Variants in NPHP4 observed in about 807,000 individuals in gnomAD.
NPHP4 encodes the protein nephrocystin-4.
In NPHP4, 151 loss-of-function variants were observed where a neutral mutation model predicts 155.8. That is an observed-to-expected ratio of 0.97 (90% CI 0.85 to 1.11). NPHP4 has a LOEUF of 1.11. Ranked by LOEUF, NPHP4 falls within the 50% of genes least tolerant of loss-of-function variation. The probability of loss-of-function intolerance (pLI) is 0.00; values close to 1 mark genes in which losing one functional copy is unlikely to be tolerated. For missense variants in NPHP4, 1,956 were observed against 1,925.7 expected, an observed-to-expected ratio of 1.02 and a Z score of -0.29; for synonymous variants, 845 against 816.8, an observed-to-expected ratio of 1.03 and a Z score of -0.59.
In NPHP4 at chr1:5,911,525, G is replaced by C. The variant is rs140838389; in HGVS notation, c.1442-2312C>G. 3.8e-3 allele frequency among the ~76,000 whole-genome samples: 575 copies of C among 152,284 alleles called. 1 individual carries two copies. The highest frequency in any genetic ancestry group is 0.012 in the African/African-American group (511 of 41,550). On this transcript the variant is annotated intron_variant, in intron 11 of 29. Transcript: ENST00000378156. ...CCTTCCAAGCACATCTGAACTTCTC[G>C]CATGCATTTTATTTCCCCATCGTCT...
intron 9 of NPHP4, among the ~76,000 whole-genome samples, chr1:5,942,924 C>T (rs140109855): frequency 6.6e-6 from 1 of 152,338 alleles, no homozygotes; most frequent in Non-Finnish European, 1.5e-5. Flanking sequence ...GCAGCCAAGA[C>T]ACCGGATCTG....
chr1:5,974,361 C>A (rs747187568), intron 3 of NPHP4, among the ~76,000 whole-genome samples: 10 of 152,088 alleles, frequency 6.6e-5, no homozygotes, highest in Non-Finnish European at 1.3e-4. Context: ...CAGTAACTCC[C>A]CCCAAATAAA....
At chr1:5,974,654 T>C (rs1045761675) in intron 3 of NPHP4, among the ~76,000 whole-genome samples, 32 of 147,828 alleles carry the variant, frequency 2.2e-4, no homozygotes, top group African/African-American at 7.8e-4. Flanking sequence ...CTCCTGCATA[T>C]GGGCCCAGTG....
rs183372156 is a variant in NPHP4, at chr1:5,955,058, T to G, written c.674-2222A>C. Among the ~76,000 whole-genome samples the G allele has an allele frequency of 1.3e-3, 193 of 151,980 alleles. 1 individual carries two copies. Among genetic ancestry groups the G allele is most frequent in the Non-Finnish European group, 4.3e-4 (29 of 67,978 alleles). The stretch of plus-strand genomic sequence containing the variant: ...AAAAAAAAAACTAGTAGCTTGATTT[T>G]AAAATGGGCAAAAGGCCTTAACAGA... On this transcript the variant is annotated intron_variant, in intron 6 of 29. Transcript: ENST00000378156.
At chr1:5,875,216 C>G in intron 20 of NPHP4, 116 bp from the exon 21 acceptor site, 1 of 803,008 alleles carries the variant, frequency 1.2e-6, no homozygotes. Flanking sequence ...CCACAAGCAT[C>G]GCCACCACCA....
chr1:5,902,964 T>C (rs1313293073), intron 16 of NPHP4, among the ~76,000 whole-genome samples: 1 of 152,176 alleles, frequency 6.6e-6, no homozygotes, highest in Non-Finnish European at 1.5e-5. Flanking sequence ...AAAATTAGAT[T>C]TGATACCGAT....
chr1:5,923,077 C>T (rs933244165), intron 11 of NPHP4, among the ~76,000 whole-genome samples: 2 of 152,146 alleles, frequency 1.3e-5, no homozygotes, highest in Non-Finnish European at 2.9e-5. Flanking sequence ...ACACACCAGG[C>T]GGAGAGCATG....
intron 9 of NPHP4, among the ~76,000 whole-genome samples, chr1:5,942,587 C>CAAAAAAAAAA (rs34438938): frequency 1.2e-5 from 1 of 82,780 alleles, no homozygotes. Flanking sequence ...TCATAAATGA[C>CAAAAAAAAAA]AAAAAAAAAA....
Position 5,944,860 on chromosome 1 carries a change from C to G in NPHP4, c.1119+2244G>C, listed in dbSNP as rs747961202. Among the ~76,000 whole-genome samples the G allele has an allele frequency of 6.6e-6, 1 of 152,166 alleles. No homozygotes were observed. The highest frequency in any genetic ancestry group is 2.1e-4 in the South Asian group (1 of 4,828). The stretch of plus-strand genomic sequence containing the variant: ...TGGCCCGTGCCTATAGTCCCAGCTA[C>G]TCAGGAGACTGAGGCAGGAGAGTCA... On this transcript the variant is annotated intron_variant, in intron 9 of 29. Coordinates refer to ENST00000378156, the MANE Select transcript of NPHP4 (RefSeq NM_015102.5). This position sits in a 1 kb window ranked among gnomAD's most constrained non-coding sequence, Gnocchi z 4.3.
rs1032030656 is a variant in NPHP4 at position 5,890,147 on chromosome 1, T to C, written c.2304+721A>G. ...CAGGAATCCAGGAGGAAAGCAGCTA[T>C]GCGGCACTCAAGAAAAGTGGGGAAA... On this transcript the variant is annotated intron_variant, in intron 17 of 29. Transcript: ENST00000378156. This position sits in a 1 kb window ranked among gnomAD's most constrained non-coding sequence, Gnocchi z 4.9. Among the ~76,000 whole-genome samples, 2 of 152,006 alleles carry C rather than the reference T, an allele frequency of 1.3e-5. No homozygotes were observed. The highest frequency in any genetic ancestry group is 4.8e-5 in the African/African-American group (2 of 41,366).
intron 8 of NPHP4, 76 bp downstream of exon 8, chr1:5,947,994 A>G: frequency 8.6e-7 from 1 of 1,163,858 alleles, no homozygotes; most frequent in Non-Finnish European, 1.3e-6. Flanking sequence ...TCAACACCTG[A>G]CATGCACAAA....
At position 5,909,285 on chromosome 1, in the gene NPHP4, C is replaced by T; in HGVS notation, c.1442-72G>A. 7.3e-6 allele frequency: 9 copies of T among 1,236,874 alleles called. No homozygotes were observed. In the South Asian group the frequency reaches 1.2e-4, roughly 16 times the overall value. The allele number at this position is 1,236,874 out of a possible 1,614,324, so 76.6% of individuals were successfully genotyped here. A position where few individuals can be genotyped will look rare whatever the true frequency, so the allele number is the denominator to read the frequency against. ...GTTGGGGGCAGTGGGCCCCTGAACC[C>T]CCACGCAGTCAGGTCTCCACAGGCC... On this transcript the variant is annotated intron_variant, in intron 11 of 29. Transcript: ENST00000378156.
intron 7 of NPHP4, 111 bp from the exon 8 acceptor site, chr1:5,948,362 T>A (rs1420312160): frequency 2.7e-6 from 2 of 740,764 alleles, no homozygotes; most frequent in Non-Finnish European, 4.3e-6. Flanking sequence ...AAGTTGCAGA[T>A]AACTGCAGAT....
intron 16 of NPHP4, among the ~76,000 whole-genome samples, chr1:5,901,846 T>C (rs1338403417): frequency 6.6e-6 from 1 of 152,182 alleles, no homozygotes; most frequent in African/African-American, 2.4e-5. Flanking sequence ...GGACATCAGT[T>C]GGACTGTCTA....
Position 5,877,247 on chromosome 1 carries a change from G to A in NPHP4, c.2663C>T (p.Ala888Val), listed in dbSNP as rs1220242837. 2 of 1,608,504 alleles carry A rather than the reference G, an allele frequency of 1.2e-6. No individual in the cohort carries two copies. Among genetic ancestry groups the A allele is most frequent in the Non-Finnish European group, 1.7e-6 (2 of 1,176,212 alleles). Residue 888 changes from alanine (A) to valine (V), a missense_variant, in exon 20 of 30, where the codon GCT (alanine) becomes GTT (valine). Transcript: ENST00000378156. ...QKLADVDSEL[A>V]AMLLTHARQG... is the part of the protein sequence containing the mutation. ...CCGGGCATGGGTCAGTAGCATGGCA[G>A]CCAGCTCACTGTCCACGTCCGCCAG...
At chr1:5,979,554 T>G (rs1570741648) in intron 2 of NPHP4, among the ~76,000 whole-genome samples, 2 of 152,002 alleles carry the variant, frequency 1.3e-5, no homozygotes, top group Non-Finnish European at 2.9e-5. Context: ...TTTTTGTTTT[T>G]AAGAAAAGGG....
intron 11 of NPHP4, among the ~76,000 whole-genome samples, chr1:5,925,440 T>C (rs1390876586): frequency 2.6e-5 from 4 of 152,172 alleles, no homozygotes; most frequent in African/African-American, 4.8e-5. Flanking sequence ...TCTAATCATG[T>C]TTGTATTTAA....
In NPHP4 at chr1:5,887,485, C is replaced by T. The variant is rs1052277851; in HGVS notation, c.2305-19G>A. 4 of 1,611,060 alleles carry T rather than the reference C, an allele frequency of 2.5e-6. No individual in the cohort carries two copies. Among genetic ancestry groups the T allele is most frequent in the South Asian group, 1.1e-5 (1 of 91,056 alleles). ...GGAGATGCTGCAGAAGAGAAAAGCG[C>T]GTTCAGAGGCTGGAGCCGGCCCTGG... On this transcript the variant is annotated intron_variant, in intron 17 of 29. Transcript: ENST00000378156.
At chr1:5,925,638 CAG>C (rs753800120) in intron 11 of NPHP4, among the ~76,000 whole-genome samples, 4 of 151,736 alleles carry the variant, frequency 2.6e-5, no homozygotes, top group Non-Finnish European at 5.9e-5. Context: ...TTTTTTGAGA[CAG>C]AGTCTTGCTC....
Sources: gnomAD v4.1 joint callset for allele counts (sites outside exome capture counted in the v4.1 genomes callset) on GRCh38, gnomAD v4.1.1 for gene constraint, Gnocchi (gnomAD v3.1) non-coding constraint, MANE v1.5 for transcripts, NCBI Gene and HGNC (gene_info 2026-07-23, HGNC 2026-07-21) for gene names.